The following CACNA1H variants were observed in gnomAD, a reference collection of about 807,000 sequenced individuals.
CACNA1H encodes the protein calcium voltage-gated channel subunit alpha1 H, also known as voltage-dependent T-type calcium channel subunit alpha-1H.
In CACNA1H, 149 loss-of-function variants were observed where a neutral mutation model predicts 192.5. The ratio of observed to expected loss-of-function variants is 0.77; its 90% CI spans 0.68 to 0.89. The LOEUF is 0.89. Among genes scored for constraint, CACNA1H ranks in the 40% least tolerant of loss-of-function variants. The probability of loss-of-function intolerance (pLI) is 0.00; values close to 1 mark genes in which losing one functional copy is unlikely to be tolerated. For missense variants in CACNA1H, 4,257 were observed against 3,423.5 expected (o/e 1.24, Z -6.08); for synonymous variants, 2,202 against 1,475.2 (o/e 1.49, Z -11.29).
At position 1,213,865 on chromosome 16, in the gene CACNA1H, C is replaced by T. The variant is rs951676471; in HGVS notation, c.4863C>T (p.Leu1621=). 24 of 1,610,472 alleles carry T rather than the reference C, an allele frequency of 1.5e-5. No homozygotes were observed. Among genetic ancestry groups the T allele is most frequent in the African/African-American group, 4.0e-5 (3 of 74,890 alleles). The change falls in exon 27 of 35, where the codon CTC becomes CTT. Residue 1621 remains leucine (L), a synonymous_variant. Coordinates refer to ENST00000348261, the MANE Select transcript of CACNA1H (RefSeq NM_021098.3). ...TGTGCACCAGCCACTATCTCGACCTCTTCATCACCTTCATCATCTGTGTCA... is the reference window on the plus strand; with the variant it reads ...TGTGCACCAGCCACTATCTCGACCTTTTCATCACCTTCATCATCTGTGTCA... The part of the protein sequence containing the change: ...HSLCTSHYLD[L]FITFIICVNV...
At chr16:1,191,322 G>T (rs1432728051) in intron 2 of CACNA1H, among the ~76,000 whole-genome samples, 1 of 123,234 alleles carries the variant, frequency 8.1e-6, no homozygotes, top group Admixed American at 7.3e-5. Context: ...TGGCCTGGCT[G>T]TGTGGCCTCC....
At chr16:1,198,810 G>C (rs375941427) in intron 6 of CACNA1H, 36 bp downstream of exon 6, 5 of 1,579,716 alleles carry the variant, frequency 3.2e-6, no homozygotes, top group South Asian at 1.1e-5. Context: ...CCCCTGCCCA[G>C]ATGGCCCTGC....
intron 2 of CACNA1H, among the ~76,000 whole-genome samples, chr16:1,161,642 C>A (rs1055124301): frequency 6.6e-6 from 1 of 152,224 alleles, no homozygotes; most frequent in African/African-American, 2.4e-5. Flanking sequence ...CCACTTTGGT[C>A]TGTCATCTCG....
At chr16:1,204,496 A>AG (rs1248538467) in intron 10 of CACNA1H, 38 bp downstream of exon 10, 15 of 1,477,160 alleles carry the variant, frequency 1.0e-5, no homozygotes, top group Admixed American at 9.0e-5. Context: ...GCTCCCTGTC[A>AG]GGCTTGCAGG....
intron 2 of CACNA1H, among the ~76,000 whole-genome samples, chr16:1,155,235 G>A (rs1020869574): frequency 2.6e-5 from 4 of 152,224 alleles, no homozygotes; most frequent in Non-Finnish European, 1.5e-5. Flanking sequence ...TGGTCCCGGG[G>A]GCAGCCGGCC....
At position 1,220,916 on chromosome 16, in the gene CACNA1H, C is replaced by T; in HGVS notation, c.6984C>T (p.Val2328=). 1 of 1,610,702 alleles carries T rather than the reference C, an allele frequency of 6.2e-7. No homozygotes were observed. The highest frequency in any genetic ancestry group is 8.5e-7 in the Non-Finnish European group (1 of 1,178,404). The change falls in exon 35 of 35, where the codon GTC becomes GTT. Residue 2328 remains valine, a synonymous_variant. Transcript: ENST00000348261. The part of the protein sequence containing the change: ...PEKRRGLYLT[V]PQCPLEKPGS... Reference sequence around the variant, plus strand: ...AGAGGCGGGGGCTGTACCTCACAGTCCCCCAGTGTCCTCTGGAGAAACCAG... The same window carrying T: ...AGAGGCGGGGGCTGTACCTCACAGTTCCCCAGTGTCCTCTGGAGAAACCAG...
At chr16:1,210,348 T>TA in intron 18 of CACNA1H, 22 bp from the exon 19 acceptor site, 3 of 277,472 alleles carry the variant, frequency 1.1e-5, no homozygotes, top group Non-Finnish European at 1.3e-5. Context: ...GCCCCACCTC[T>TA]CACCCGCCCC....
At position 1,211,285 on chromosome 16, in the gene CACNA1H, G is replaced by A; in HGVS notation, c.4341G>A (p.Leu1447=). Residue 1447 remains leucine (L), a synonymous_variant, in exon 22 of 35, where the codon TTG becomes TTA. Coordinates refer to ENST00000348261, the MANE Select transcript of CACNA1H (RefSeq NM_021098.3). ...CCTTCTTCATCATTTTTGGCATTTTGGGTGTGCAGGTGTGTGGCCCCCACG... is the reference window on the plus strand; with the variant it reads ...CCTTCTTCATCATTTTTGGCATTTTAGGTGTGCAGGTGTGTGGCCCCCACG... ...CCAFFIIFGI[L]GVQLFKGKFY... is the part of the protein sequence containing the mutation. The A allele has an allele frequency of 3.7e-6, 6 of 1,612,934 alleles. No individual in the cohort carries two copies. The highest frequency in any genetic ancestry group is 5.1e-6 in the Non-Finnish European group (6 of 1,179,726).
At chr16:1,168,192 ATC>A (rs373606943) in intron 2 of CACNA1H, among the ~76,000 whole-genome samples, 3,370 of 149,074 alleles carry the variant, frequency 0.023, 96 homozygotes, top group African/African-American at 0.064. Context: ...TTGATGTGGG[ATC>A]CCCCCCCCCA....
At position 1,195,017 on chromosome 16, in the gene CACNA1H, G is replaced by C; in HGVS notation, c.345G>C (p.Val115=). The change falls in exon 3 of 35, where the codon GTG becomes GTC. Residue 115 remains valine, a synonymous_variant. Coordinates refer to ENST00000348261, the MANE Select transcript of CACNA1H (RefSeq NM_021098.3). ...TGCTGGTAATCATGCTCAACTGCGT[G>C]ACCCTGGGCATGTTCCGGCCCTGTG... ...VSMLVIMLNC[V]TLGMFRPCED... 2 of 1,612,318 alleles carry C rather than the reference G, an allele frequency of 1.2e-6. No homozygotes were observed. The highest frequency in any genetic ancestry group is 8.5e-7 in the Non-Finnish European group (1 of 1,179,502).
rs555668336 is a variant in CACNA1H at position 1,205,073 on chromosome 16, G to A, written c.2452-41G>A. The A allele has an allele frequency of 3.7e-5, 58 of 1,564,790 alleles. 1 individual carries two copies. The highest frequency in any genetic ancestry group is 2.6e-4 in the African/African-American group (19 of 73,982). ...TCAGTGCCGGTGAGGGGTGGGAGCC[G>A]CGGGTGCGGCCTCCTGAACTGTCCC... is the stretch of plus-strand genomic sequence containing the variant. On this transcript the variant is annotated intron_variant, in intron 10 of 34. Transcript: ENST00000348261.
At chr16:1,194,936 G>A in intron 2 of CACNA1H, 36 bp from the exon 3 acceptor site, 1 of 1,514,982 alleles carries the variant, frequency 6.6e-7, no homozygotes, top group Non-Finnish European at 9.2e-7. Flanking sequence ...GCGGGTCCCG[G>A]GCCGCGCCGG....
chr16:1,181,640 CTCTT>C (rs1965477924), intron 2 of CACNA1H, among the ~76,000 whole-genome samples: 1 of 152,240 alleles, frequency 6.6e-6, no homozygotes. Flanking sequence ...TATATTAGGT[CTCTT>C]TCTAATTAGC....
Position 1,207,023 on chromosome 16 carries a change from G to C in CACNA1H, c.2812G>C (p.Gly938Arg). ...IFSILGMHLF[G>R]CKFSLKTDTG... The stretch of plus-strand genomic sequence containing the variant: ...CAGCATCCTGGGCATGCACCTTTTC[G>C]GCTGCAAGTTCAGCCTGAAGACAGA... The change falls in exon 13 of 35, where the codon GGC becomes CGC. Residue 938 changes from glycine to arginine, a missense_variant. Gly to Arg is a moderately radical substitution (Grantham distance 125). Transcript: ENST00000348261. 6.3e-7 allele frequency: 1 copy of C among 1,594,684 alleles called. No homozygotes were observed. Among genetic ancestry groups the C allele is most frequent in the Non-Finnish European group, 8.5e-7 (1 of 1,170,776 alleles).
At chr16:1,164,804 T>C (rs1963590791) in intron 2 of CACNA1H, among the ~76,000 whole-genome samples, 1 of 152,174 alleles carries the variant, frequency 6.6e-6, no homozygotes, top group Non-Finnish European at 1.5e-5. Context: ...GCTCCGGATA[T>C]GCTGCTTGGG....
chr16:1,170,280 G>C (rs1037008865), intron 2 of CACNA1H, among the ~76,000 whole-genome samples: 2 of 152,188 alleles, frequency 1.3e-5, no homozygotes, highest in Non-Finnish European at 2.9e-5. Flanking sequence ...CCCTCCCCAC[G>C]CCTTCGGGCC....
At chr16:1,173,576 G>A (rs988340994) in intron 2 of CACNA1H, among the ~76,000 whole-genome samples, 4 of 152,238 alleles carry the variant, frequency 2.6e-5, no homozygotes. Flanking sequence ...TTATGGAAAA[G>A]GTTATATTTC....
chr16:1,221,381 C>T lies in CACNA1H; in HGVS notation c.*387C>T. On this transcript the variant is annotated 3_prime_UTR_variant, in exon 35 of 35. Coordinates refer to ENST00000348261, the MANE Select transcript of CACNA1H (RefSeq NM_021098.3). ...AGGACACTCGCTGGGGGCCCTGTGC[C>T]CTTGCCGGCGGCAGGTTGCAGCCAC... The T allele has an allele frequency of 3.2e-6, 1 of 315,340 alleles. No homozygotes were observed. Among genetic ancestry groups the T allele is most frequent in the Non-Finnish European group, 5.8e-6 (1 of 171,908 alleles). 19.5% of individuals were successfully genotyped at this position (315,340 alleles called of 1,614,324 possible).
At chr16:1,192,999 T>C (rs1966750087) in intron 2 of CACNA1H, among the ~76,000 whole-genome samples, 1 of 152,068 alleles carries the variant, frequency 6.6e-6, no homozygotes, top group Admixed American at 6.5e-5. Flanking sequence ...AACTGAGGCC[T>C]GGGATGCCCT....
Sources: allele counts gnomAD v4.1 joint callset (sites outside exome capture counted in the v4.1 genomes callset), GRCh38; gene constraint gnomAD v4.1.1; transcripts MANE v1.5; gene names NCBI Gene and HGNC (gene_info 2026-07-23, HGNC 2026-07-21).